The following SCD variants were observed in gnomAD, a reference collection of about 807,000 sequenced individuals.
The protein encoded by SCD is acyl-CoA desaturase.
A neutral mutation model predicts 35.7 loss-of-function variants in SCD; 4 were observed. The ratio of observed to expected loss-of-function variants is 0.11; its 90% CI spans 0.06 to 0.26. SCD has a LOEUF of 0.26. Among genes scored for constraint, SCD ranks in the 10% least tolerant of loss-of-function variants. The probability of loss-of-function intolerance (pLI) is 1.00; values close to 1 mark genes in which losing one functional copy is unlikely to be tolerated. For synonymous variants in SCD, 150 were observed against 170.2 expected, an observed-to-expected ratio of 0.88 and a Z score of 0.92; for missense variants, 282 against 460.7, an observed-to-expected ratio of 0.61 and a Z score of 3.55.
intron 2 of SCD, among the ~76,000 whole-genome samples, chr10:100,350,960 A>G (rs969734432): frequency 1.3e-5 from 2 of 152,184 alleles, no homozygotes; most frequent in Non-Finnish European, 2.9e-5. Flanking sequence ...TAGGAGGAAT[A>G]GAAGAGAAGA....
At chr10:100,359,815 AAAG>A (rs1849971325) in intron 5 of SCD, among the ~76,000 whole-genome samples, 1 of 152,194 alleles carries the variant, frequency 6.6e-6, no homozygotes, top group Non-Finnish European at 1.5e-5. Flanking sequence ...TGTGGTTCAG[AAAG>A]AAGAGTCCTG....
Sources: allele counts gnomAD v4.1 joint callset (sites outside exome capture counted in the v4.1 genomes callset), GRCh38; gene constraint gnomAD v4.1.1; transcripts MANE v1.5; gene names NCBI Gene and HGNC (gene_info 2026-07-23, HGNC 2026-07-21).